Variants in PLD1 observed in about 807,000 individuals in gnomAD.
PLD1 encodes the protein choline phosphatase 1.
Under a neutral mutation model 137.1 loss-of-function variants are expected in PLD1, and 112 were observed. The ratio of observed to expected loss-of-function variants is 0.82; its 90% CI spans 0.70 to 0.96. The LOEUF (loss-of-function observed/expected upper bound fraction) is 0.96, where lower values mean the gene tolerates loss of function less well. Ranked by LOEUF, PLD1 falls within the 40% of genes least tolerant of loss-of-function variation. PLD1 has a pLI of 0.00. For synonymous variants in PLD1, 431 were observed against 454.7 expected (o/e 0.95, Z 0.66); for missense variants, 1,321 against 1,342.0 (o/e 0.98, Z 0.24).
chr3:171,705,938 A>T lies in PLD1; in HGVS notation c.1145+2817T>A, dbSNP rs552224303. Among the ~76,000 whole-genome samples, 6 of 152,128 alleles carry T rather than the reference A, an allele frequency of 3.9e-5. No homozygotes were observed. The East Asian group carries it at 1.2e-3, about 29-fold the overall frequency. On this transcript the variant is annotated intron_variant, in intron 11 of 26. Coordinates refer to ENST00000351298, the MANE Select transcript of PLD1 (RefSeq NM_002662.5). Reference sequence around the variant, plus strand: ...GGTTTTTATATTTTTAAAGAGTTGTAAAAAAAATATGCTTCAGAGACCATA... The same window carrying T: ...GGTTTTTATATTTTTAAAGAGTTGTTAAAAAAATATGCTTCAGAGACCATA...
intron 1 of PLD1, among the ~76,000 whole-genome samples, chr3:171,766,643 A>G (rs543523597): frequency 1.3e-5 from 2 of 152,090 alleles, no homozygotes; most frequent in Non-Finnish European, 2.9e-5. Context: ...ATTATTTGCA[A>G]CTTTTCATGG....
intron 23 of PLD1, among the ~76,000 whole-genome samples, chr3:171,639,848 C>CTCTCTCTATATA (rs3050415): frequency 2.5e-4 from 27 of 110,188 alleles, no homozygotes; most frequent in African/African-American, 8.2e-4. Flanking sequence ...CTCTCTCTCT[C>CTCTCTCTATATA]TATATATATA....
chr3:171,664,408 G>C (rs1397641127), intron 19 of PLD1, among the ~76,000 whole-genome samples: 3 of 151,960 alleles, frequency 2.0e-5, no homozygotes. Context: ...TACAACTCTG[G>C]AGGCAACGTA....
chr3:171,770,766 G>A (rs1196399292), intron 1 of PLD1, among the ~76,000 whole-genome samples: 7 of 151,518 alleles, frequency 4.6e-5, no homozygotes, highest in Non-Finnish European at 8.8e-5. Flanking sequence ...GCATGCACCT[G>A]TAATCCCAGC....
chr3:171,651,412 C>T (rs554989347), intron 21 of PLD1, among the ~76,000 whole-genome samples: 1 of 151,892 alleles, frequency 6.6e-6, no homozygotes, highest in South Asian at 2.1e-4. Context: ...GCTTCTTGGT[C>T]GTTTGGGACA....
chr3:171,716,608 A>G (rs1005358766), intron 8 of PLD1, among the ~76,000 whole-genome samples: 1 of 151,944 alleles, frequency 6.6e-6, no homozygotes, highest in African/African-American at 2.4e-5. Context: ...TTGCTTGTAA[A>G]TTTGTTTAAA....
At chr3:171,615,995 C>G (rs1047220374) in intron 24 of PLD1, among the ~76,000 whole-genome samples, 1 of 152,272 alleles carries the variant, frequency 6.6e-6, no homozygotes, top group Non-Finnish European at 1.5e-5. Flanking sequence ...ACAGCCATGC[C>G]AATACTTAGA....
chr3:171,759,792 A>G (rs997309892), intron 1 of PLD1, among the ~76,000 whole-genome samples: 1 of 152,328 alleles, frequency 6.6e-6, no homozygotes, highest in South Asian at 2.1e-4. Flanking sequence ...ATCTTGCCCA[A>G]TATTCAATTT....
intron 16 of PLD1, among the ~76,000 whole-genome samples, chr3:171,682,606 T>C (rs890362594): frequency 6.6e-6 from 1 of 152,264 alleles, no homozygotes; most frequent in Admixed American, 6.5e-5. Context: ...GTTTTTAAGG[T>C]ATTACATGAT....
chr3:171,691,544 T>C (rs1173852910), intron 13 of PLD1, among the ~76,000 whole-genome samples: 5 of 152,318 alleles, frequency 3.3e-5, no homozygotes, highest in Middle Eastern at 6.8e-3. Context: ...TAATTTGTAT[T>C]TATACCAGTT....
At chr3:171,802,174 T>A (rs1296823926) in intron 1 of PLD1, among the ~76,000 whole-genome samples, 1 of 152,218 alleles carries the variant, frequency 6.6e-6, no homozygotes, top group Non-Finnish European at 1.5e-5. Flanking sequence ...AAGGTAGTCA[T>A]TCAACAAGTA....
chr3:171,610,419 T>G (rs1732558926), intron 25 of PLD1, among the ~76,000 whole-genome samples: 1 of 152,150 alleles, frequency 6.6e-6, no homozygotes, highest in Non-Finnish European at 1.5e-5. Context: ...TAGAAAAAAG[T>G]GGAATGACAT....
chr3:171,744,567 G>A (rs149344196), intron 1 of PLD1, among the ~76,000 whole-genome samples: 133 of 152,214 alleles, frequency 8.7e-4, no homozygotes, highest in Non-Finnish European at 1.3e-3. Flanking sequence ...TAATGCTGAC[G>A]CTGCTTTTAT....
At position 171,665,614 on chromosome 3, in the gene PLD1, C is replaced by A. The variant is rs142526800; in HGVS notation, c.2230-3444G>T. Among the ~76,000 whole-genome samples, 1,119 of 151,950 alleles carry A rather than the reference C, an allele frequency of 7.4e-3. 9 individuals are homozygous for A. Among genetic ancestry groups the A allele is most frequent in the Middle Eastern group, 0.024 (7 of 294 alleles). ...ACTCGGGAGGCTGAGGATGGCGAATCGCTTGAACCCAGGAGGCGGAGGTTG... is the reference window on the plus strand; with the variant it reads ...ACTCGGGAGGCTGAGGATGGCGAATAGCTTGAACCCAGGAGGCGGAGGTTG... On this transcript the variant is annotated intron_variant, in intron 19 of 26. Transcript: ENST00000351298.
At position 171,644,976 on chromosome 3, in the gene PLD1, C is replaced by T. The variant is rs754650308; in HGVS notation, c.2477G>A (p.Gly826Glu). The T allele has an allele frequency of 2.5e-6, 4 of 1,613,834 alleles. No individual in the cohort carries two copies. The African/African-American group carries it at 4.0e-5, about 16-fold the overall frequency. Residue 826 changes from glycine to glutamate, a missense_variant, in exon 22 of 27, where the codon GGG becomes GAG. By Grantham distance (98) the Gly-to-Glu change is moderately conservative (BLOSUM62 -2). Coordinates refer to ENST00000351298, the MANE Select transcript of PLD1 (RefSeq NM_002662.5). The stretch of plus-strand genomic sequence containing the variant: ...GCCGGTTGAAATGTCTCCTTCGAAC[C>T]CTGGCAGAAGTGGTATCACGACATA... The part of the protein sequence containing the change: ...RVYVVIPLLP[G>E]FEGDISTGGG...
chr3:171,645,232 A>G (rs1033090277), intron 21 of PLD1, among the ~76,000 whole-genome samples: 4 of 152,150 alleles, frequency 2.6e-5, no homozygotes, highest in African/African-American at 9.7e-5. Flanking sequence ...CCTGAATAAC[A>G]AGCTAAACTT....
intron 3 of PLD1, among the ~76,000 whole-genome samples, chr3:171,736,033 G>A (rs1424472170): frequency 3.3e-5 from 5 of 152,152 alleles, no homozygotes; most frequent in Non-Finnish European, 7.3e-5. Flanking sequence ...GCAGGGGTGA[G>A]ACGTATTGTA....
At position 171,662,083 on chromosome 3, in the gene PLD1, T is replaced by C; in HGVS notation, c.2317A>G (p.Ser773Gly). 6.2e-7 allele frequency: 1 copy of C among 1,604,842 alleles called. No homozygotes were observed. The highest frequency in any genetic ancestry group is 8.5e-7 in the Non-Finnish European group (1 of 1,171,532). The change falls in exon 20 of 27, where the codon AGC (serine) becomes GGC (glycine). Residue 773 changes from serine to glycine, a missense_variant. Transcript: ENST00000351298. ...ACTTCGATATAGATATAGTGCCTGC[T>C]GTTCTCTATCACATGGACGTAAGCG... ...HAAYVHVIENSRHYIYIENQF... is the reference protein window; with the variant it reads ...HAAYVHVIENGRHYIYIENQF...
intron 1 of PLD1, among the ~76,000 whole-genome samples, chr3:171,785,171 G>A (rs1722957626): frequency 6.6e-6 from 1 of 152,172 alleles, no homozygotes; most frequent in Non-Finnish European, 1.5e-5. Flanking sequence ...TTGGAAGAGA[G>A]CCTAGATCTC....
Sources: allele counts gnomAD v4.1 joint callset (sites outside exome capture counted in the v4.1 genomes callset), GRCh38; gene constraint gnomAD v4.1.1; transcripts MANE v1.5; gene names NCBI Gene and HGNC (gene_info 2026-07-23, HGNC 2026-07-21).